The following CDH18 variants were observed in gnomAD, a reference collection of about 807,000 sequenced individuals.
CDH18 encodes cadherin 18, also known as cadherin-18.
Under a neutral mutation model 67.9 loss-of-function variants are expected in CDH18, and 31 were observed. The ratio of observed to expected loss-of-function variants is 0.46; its 90% CI spans 0.34 to 0.62. The LOEUF is 0.62. Ranked by LOEUF, CDH18 falls within the 20% of genes least tolerant of loss-of-function variation. The probability of loss-of-function intolerance (pLI) is 0.01; values close to 1 mark genes in which losing one functional copy is unlikely to be tolerated. For synonymous variants in CDH18, 362 were observed against 347.2 expected (o/e 1.04, Z -0.48); for missense variants, 890 against 975.5 (o/e 0.91, Z 1.17).
chr5:20,195,151 C>A (rs1738872337), intron 2 of CDH18, among the ~76,000 whole-genome samples: 1 of 151,976 alleles, frequency 6.6e-6, no homozygotes, highest in Admixed American at 6.6e-5. Context: ...TTTGTGTGTA[C>A]CCAATTATCA....
chr5:20,373,935 T>C (rs567002452), intron 1 of CDH18, among the ~76,000 whole-genome samples: 1 of 152,226 alleles, frequency 6.6e-6, no homozygotes, highest in South Asian at 2.1e-4. Context: ...CCAGATAAAG[T>C]ACATGTATAT....
chr5:19,972,673 A>G (rs1798139141), intron 2 of CDH18, among the ~76,000 whole-genome samples: 2 of 152,048 alleles, frequency 1.3e-5, no homozygotes, highest in South Asian at 2.1e-4. Context: ...ATAATGGTGT[A>G]GGAACATAAA....
chr5:20,422,989 C>A (rs955390552), intron 1 of CDH18, among the ~76,000 whole-genome samples: 1 of 151,128 alleles, frequency 6.6e-6, no homozygotes, highest in African/African-American at 2.5e-5. Context: ...CTACTCTTCC[C>A]TCCTCCCCTC....
chr5:20,571,485 T>C (rs977829900), intron 1 of CDH18, among the ~76,000 whole-genome samples: 3 of 152,130 alleles, frequency 2.0e-5, no homozygotes, highest in African/African-American at 4.8e-5. Flanking sequence ...CAAAATCTAA[T>C]TTTGTGAAAA....
At chr5:19,565,305 C>T (rs1422922369) in intron 8 of CDH18, among the ~76,000 whole-genome samples, 1 of 152,146 alleles carries the variant, frequency 6.6e-6, no homozygotes, top group Non-Finnish European at 1.5e-5. Context: ...TACAGTGATG[C>T]TTATGTCACT....
At chr5:20,017,894 GTAAA>G (rs767183242) in intron 2 of CDH18, among the ~76,000 whole-genome samples, 182 of 152,208 alleles carry the variant, frequency 1.2e-3, no homozygotes, top group Non-Finnish European at 2.3e-3. Flanking sequence ...AGTACTTATG[GTAAA>G]TGAATGTGTA....
intron 1 of CDH18, among the ~76,000 whole-genome samples, chr5:20,330,172 A>G (rs2150024029): frequency 6.6e-6 from 1 of 152,276 alleles, no homozygotes; most frequent in East Asian, 1.9e-4. Flanking sequence ...TATATGTATT[A>G]TTAGACTTTT....
At chr5:20,290,958 G>A (rs1433155029) in intron 1 of CDH18, among the ~76,000 whole-genome samples, 1 of 151,984 alleles carries the variant, frequency 6.6e-6, no homozygotes, top group Non-Finnish European at 1.5e-5. Flanking sequence ...TGATTTAAAG[G>A]GGCAAAACTG....
intron 3 of CDH18, among the ~76,000 whole-genome samples, chr5:19,800,713 A>G (rs1420751309): frequency 6.6e-6 from 1 of 152,206 alleles, no homozygotes; most frequent in Non-Finnish European, 1.5e-5. Flanking sequence ...AAGATAAAAT[A>G]GACTCTGGTT....
chr5:19,876,179 A>G (rs1386702077), intron 2 of CDH18, among the ~76,000 whole-genome samples: 1 of 152,170 alleles, frequency 6.6e-6, no homozygotes, highest in East Asian at 1.9e-4. Flanking sequence ...TTAAAAAATC[A>G]ATCAAAATCC....
At chr5:19,649,636 A>G (rs189645012) in intron 5 of CDH18, among the ~76,000 whole-genome samples, 53 of 152,212 alleles carry the variant, frequency 3.5e-4, no homozygotes, top group African/African-American at 1.1e-3. Context: ...AATGGTCAAT[A>G]TATCAAGGTA....
intron 11 of CDH18, among the ~76,000 whole-genome samples, chr5:19,494,482 C>A (rs972672397): frequency 6.6e-6 from 1 of 152,170 alleles, no homozygotes. Context: ...CCGAAACATT[C>A]TATTTGTTTC....
intron 3 of CDH18, among the ~76,000 whole-genome samples, chr5:19,770,163 C>G (rs972089057): frequency 6.6e-6 from 1 of 151,958 alleles, no homozygotes; most frequent in Admixed American, 6.6e-5. Flanking sequence ...TTGTCAATTT[C>G]TCAAAATATT....
intron 2 of CDH18, among the ~76,000 whole-genome samples, chr5:19,917,889 C>A (rs1792004919): frequency 6.6e-6 from 1 of 152,090 alleles, no homozygotes; most frequent in African/African-American, 2.4e-5. Context: ...TTGAATTATA[C>A]CTCTACGACA....
chr5:20,007,905 C>A (rs1264363014), intron 2 of CDH18, among the ~76,000 whole-genome samples: 1 of 152,002 alleles, frequency 6.6e-6, no homozygotes, highest in East Asian at 1.9e-4. Flanking sequence ...TTATAGTCTG[C>A]GGCTGCTTCA....
chr5:19,861,445 G>A (rs934630816), intron 2 of CDH18, among the ~76,000 whole-genome samples: 35 of 152,142 alleles, frequency 2.3e-4, no homozygotes, highest in African/African-American at 8.0e-4. Flanking sequence ...GGGGCAAACA[G>A]AGAAGGATCC....
intron 4 of CDH18, among the ~76,000 whole-genome samples, chr5:19,730,689 T>G (rs1029948272): frequency 2.0e-5 from 3 of 152,084 alleles, no homozygotes; most frequent in Non-Finnish European, 4.4e-5. Context: ...CTGTGGTTGT[T>G]TGGCATCACC....
At chr5:19,499,630 A>C (rs2126734103) in intron 11 of CDH18, among the ~76,000 whole-genome samples, 1 of 151,976 alleles carries the variant, frequency 6.6e-6, no homozygotes, top group Admixed American at 6.6e-5. Flanking sequence ...TTTTGTAAAT[A>C]TGTTATTAAT....
At chr5:20,494,317 G>A (rs1753776935) in intron 1 of CDH18, among the ~76,000 whole-genome samples, 1 of 151,966 alleles carries the variant, frequency 6.6e-6, no homozygotes. Flanking sequence ...AGAGGATAAA[G>A]GCAGAGAGGG....
Sources: allele counts gnomAD v4.1 joint callset (sites outside exome capture counted in the v4.1 genomes callset), GRCh38; gene constraint gnomAD v4.1.1; transcripts MANE v1.5; gene names NCBI Gene and HGNC (gene_info 2026-07-23, HGNC 2026-07-21).